SPATA45: variants seen among roughly 807,000 people sequenced by gnomAD.
SPATA45 encodes the protein spermatogenesis associated 45.
SPATA45 carries 5 observed loss-of-function variants against 7.0 expected under a neutral mutation model. The observed-to-expected ratio is 0.71, with a 90% CI of 0.37 to 1.50. The LOEUF (loss-of-function observed/expected upper bound fraction) is 1.50, where lower values mean the gene tolerates loss of function less well. SPATA45 is among the 40% of genes most tolerant of loss of function. The probability of loss-of-function intolerance (pLI) is 0.03; values close to 1 mark genes in which losing one functional copy is unlikely to be tolerated. For missense variants in SPATA45, 111 were observed against 114.9 expected (o/e 0.97, Z 0.16); for synonymous variants, 40 against 38.7 (o/e 1.03, Z -0.13).
chr1:212,840,332 C>T (rs1175279114), intron 1 of SPATA45, among the ~76,000 whole-genome samples: 1 of 151,592 alleles, frequency 6.6e-6, no homozygotes, highest in African/African-American at 2.4e-5. Flanking sequence ...ATCACTTGAA[C>T]CCGGAAGATA....
intron 1 of SPATA45, among the ~76,000 whole-genome samples, chr1:212,841,591 C>A (rs1663684031): frequency 6.8e-6 from 1 of 146,058 alleles, no homozygotes; most frequent in Non-Finnish European, 1.5e-5. Context: ...CCAGAGCCAT[C>A]AATTTTTCTT....
intron 2 of SPATA45, among the ~76,000 whole-genome samples, chr1:212,834,675 T>A (rs1009854482): frequency 2.6e-5 from 4 of 151,502 alleles, no homozygotes; most frequent in African/African-American, 9.7e-5. Context: ...GGTCTCAAAC[T>A]CCTGACCTCA....
chr1:212,836,272 T>C (rs1663582939), intron 1 of SPATA45, 85 bp from the exon 2 acceptor site: 1 of 1,108,914 alleles, frequency 9.0e-7, no homozygotes, highest in Non-Finnish European at 1.3e-6. Context: ...TTTCTCTTTT[T>C]GCCTTCTATA....
intron 2 of SPATA45, among the ~76,000 whole-genome samples, chr1:212,830,472 C>G (rs929358313): frequency 1.3e-5 from 2 of 150,290 alleles, no homozygotes. Context: ...GAGATCGAGA[C>G]CATCCTGGCC....
chr1:212,837,272 C>T (rs79205884), intron 1 of SPATA45, among the ~76,000 whole-genome samples: 3,841 of 148,794 alleles, frequency 0.026, 137 homozygotes, highest in African/African-American at 0.07. Flanking sequence ...AAATTACTCT[C>T]GATCCAGAGA....
Position 212,830,141 on chromosome 1 carries a change from T to G in SPATA45, c.*101A>C. ...GTTTTTTGAGGGATCTAGTGAATACTTTTGTTTAGCTTTGTTTATAATTAA... is the reference window on the plus strand; with the variant it reads ...GTTTTTTGAGGGATCTAGTGAATACGTTTGTTTAGCTTTGTTTATAATTAA... On this transcript the variant is annotated 3_prime_UTR_variant, in exon 3 of 3. Coordinates refer to ENST00000332912, the MANE Select transcript of SPATA45 (RefSeq NM_001024601.3). 7.1e-6 allele frequency: 6 copies of G among 850,774 alleles called. No homozygotes were observed. The highest frequency in any genetic ancestry group is 9.2e-6 in the Non-Finnish European group (5 of 541,168). 52.7% of individuals were successfully genotyped at this position (850,774 alleles called of 1,614,324 possible). A position where few individuals can be genotyped will look rare whatever the true frequency, so the allele number is the denominator to read the frequency against.
chr1:212,843,614 A>G (rs553997459), intron 1 of SPATA45, among the ~76,000 whole-genome samples: 5 of 152,318 alleles, frequency 3.3e-5, no homozygotes, highest in South Asian at 2.1e-4. Flanking sequence ...GTTCAAGGTA[A>G]TGACAGTAAA....
chr1:212,838,296 T>A (rs1663622177), intron 1 of SPATA45, among the ~76,000 whole-genome samples: 1 of 88,930 alleles, frequency 1.1e-5, no homozygotes, highest in African/African-American at 3.8e-5. Context: ...AGAGCAGGAC[T>A]TTGTCTAAAA....
chr1:212,830,193 G>A lies in SPATA45; in HGVS notation c.*49C>T. ...AATTTGTAAATAATTTAGACACACT[G>A]AAGAAGAATCAAAGAGAATGTATTT... On this transcript the variant is annotated 3_prime_UTR_variant, in exon 3 of 3. Transcript: ENST00000332912. The A allele has an allele frequency of 7.3e-7, 1 of 1,369,200 alleles. No homozygotes were observed. Among genetic ancestry groups the A allele is most frequent in the Non-Finnish European group, 1.0e-6 (1 of 978,594 alleles). The allele number at this position is 1,369,200 out of a possible 1,614,324, so 84.8% of individuals were successfully genotyped here.
At chr1:212,830,457 G>A (rs918448980) in intron 2 of SPATA45, among the ~76,000 whole-genome samples, 196 bp from the exon 3 acceptor site, 4 of 150,968 alleles carry the variant, frequency 2.6e-5, no homozygotes, top group African/African-American at 9.7e-5. Flanking sequence ...GGATCACGAG[G>A]TCAGGAGATC....
chr1:212,844,792 C>G (rs1663759748), intron 1 of SPATA45, among the ~76,000 whole-genome samples: 1 of 152,184 alleles, frequency 6.6e-6, no homozygotes, highest in Non-Finnish European at 1.5e-5. Flanking sequence ...ACGCAAGTAT[C>G]CTCTATCATT....
At position 212,836,038 on chromosome 1, in the gene SPATA45, T is replaced by C; in HGVS notation, c.112A>G (p.Ser38Gly). ...ACTCTCAGTAAGCTGACTTGATTGCTTCGTTCCACCAAGCAGTTGGATTCA... is the reference window on the plus strand; with the variant it reads ...ACTCTCAGTAAGCTGACTTGATTGCCTCGTTCCACCAAGCAGTTGGATTCA... ...KRESNCLVER[S>G]NQVSLLRVQK... Residue 38 changes from serine (S) to glycine (G), a missense_variant, in exon 2 of 3, where the codon AGC becomes GGC. Transcript: ENST00000332912. The C allele has an allele frequency of 1.2e-6, 2 of 1,611,338 alleles. No individual in the cohort carries two copies. The highest frequency in any genetic ancestry group is 1.7e-6 in the Non-Finnish European group (2 of 1,177,982).
At position 212,830,203 on chromosome 1, in the gene SPATA45, C is replaced by A; in HGVS notation, c.*39G>T. ...TAATTTAGACACACTGAAGAAGAAT[C>A]AAAGAGAATGTATTTCCGTGTGTCT... On this transcript the variant is annotated 3_prime_UTR_variant, in exon 3 of 3. Coordinates refer to ENST00000332912, the MANE Select transcript of SPATA45 (RefSeq NM_001024601.3). 6.9e-7 allele frequency: 1 copy of A among 1,446,846 alleles called. No homozygotes were observed. Among genetic ancestry groups the A allele is most frequent in the Admixed American group, 1.9e-5 (1 of 52,808 alleles). The allele number at this position is 1,446,846 out of a possible 1,614,324, so 89.6% of individuals were successfully genotyped here. A position where few individuals can be genotyped will look rare whatever the true frequency, so the allele number is the denominator to read the frequency against.
At chr1:212,841,287 T>C (rs1400198312) in intron 1 of SPATA45, among the ~76,000 whole-genome samples, 1 of 151,888 alleles carries the variant, frequency 6.6e-6, no homozygotes, top group East Asian at 1.9e-4. Flanking sequence ...GCCTCCTGAG[T>C]GGCTGGGACC....
At position 212,838,081 on chromosome 1, in the gene SPATA45, A is replaced by C. The variant is rs1475842487; in HGVS notation, c.-38-1894T>G. On this transcript the variant is annotated intron_variant, in intron 1 of 2. Transcript: ENST00000332912. ...TTTGGGAGGCCGAGGTGTATGGGTC[A>C]CCTGAGGTCAGGAGTTCGAGACCAG... Among the ~76,000 whole-genome samples, 54 of 151,434 alleles carry C rather than the reference A, an allele frequency of 3.6e-4. 1 individual carries two copies. The highest frequency in any genetic ancestry group is 3.6e-3 in the Admixed American group (54 of 15,146).
chr1:212,832,253 C>T (rs1244960106), intron 2 of SPATA45, among the ~76,000 whole-genome samples: 1 of 150,878 alleles, frequency 6.6e-6, no homozygotes. Context: ...ATCCACTCGC[C>T]TCGGCCTCCC....
intron 1 of SPATA45, among the ~76,000 whole-genome samples, chr1:212,837,659 A>C (rs1056118333): frequency 6.6e-6 from 1 of 151,682 alleles, no homozygotes; most frequent in Non-Finnish European, 1.5e-5. Context: ...TAAAGTGGCC[A>C]GGCGCAGTGG....
chr1:212,847,561 G>C lies in SPATA45; in HGVS notation c.-39+19C>G, dbSNP rs1397141099. ...AGAAAATATATTACTATTTCTACAGGTATATTATTATAAATTACCTTTAGC... is the reference window on the plus strand; with the variant it reads ...AGAAAATATATTACTATTTCTACAGCTATATTATTATAAATTACCTTTAGC... On this transcript the variant is annotated intron_variant, in intron 1 of 2. Coordinates refer to ENST00000332912, the MANE Select transcript of SPATA45 (RefSeq NM_001024601.3). 1 of 151,986 alleles carries C rather than the reference G, an allele frequency of 6.6e-6. No homozygotes were observed. The highest frequency in any genetic ancestry group is 1.5e-5 in the Non-Finnish European group (1 of 68,008). The allele number at this position is 151,986 out of a possible 1,614,324, so 9.4% of individuals were successfully genotyped here.
At chr1:212,832,621 G>A (rs1320506301) in intron 2 of SPATA45, among the ~76,000 whole-genome samples, 3 of 151,512 alleles carry the variant, frequency 2.0e-5, no homozygotes, top group Non-Finnish European at 4.4e-5. Flanking sequence ...AAGAGTAAAT[G>A]AGTGTTTCTT....
Sources: gnomAD v4.1 joint callset for allele counts (sites outside exome capture counted in the v4.1 genomes callset) on GRCh38, gnomAD v4.1.1 for gene constraint, MANE v1.5 for transcripts, NCBI Gene and HGNC (gene_info 2026-07-23, HGNC 2026-07-21) for gene names.